Variants in DCDC2 observed in about 807,000 individuals in gnomAD.
The protein encoded by DCDC2 is doublecortin domain containing 2.
Under a neutral mutation model 50.2 loss-of-function variants are expected in DCDC2, and 40 were observed. That is an observed-to-expected ratio of 0.80 (90% CI 0.62 to 1.04). The LOEUF is 1.04. Ranked by LOEUF, DCDC2 falls within the 50% of genes least tolerant of loss-of-function variation. DCDC2 has a pLI of 0.00. For synonymous variants in DCDC2, 234 were observed against 210.6 expected (o/e 1.11, Z -0.96); for missense variants, 570 against 581.9 (o/e 0.98, Z 0.21).
chr6:24,277,686 A>G (rs1358131504), intron 7 of DCDC2, among the ~76,000 whole-genome samples: 1 of 152,192 alleles, frequency 6.6e-6, no homozygotes, highest in Non-Finnish European at 1.5e-5. Context: ...TGACTAATAA[A>G]TCATAATGAA....
At chr6:24,191,680 A>G (rs980912133) in intron 8 of DCDC2, among the ~76,000 whole-genome samples, 3 of 152,196 alleles carry the variant, frequency 2.0e-5, no homozygotes, top group Non-Finnish European at 2.9e-5. Flanking sequence ...CTGATGGATC[A>G]TTATGAAAGT....
In DCDC2 at chr6:24,174,805, C is replaced by A; in HGVS notation, c.1356G>T (p.Arg452Ser). Reference sequence around the variant, plus strand: ...CTGGACTGGTAATTTTTACTTCTGGCCTTGGTGGTCTTTGAGGGTCTACAT... The same window carrying A: ...CTGGACTGGTAATTTTTACTTCTGGACTTGGTGGTCTTTGAGGGTCTACAT... Reference protein sequence around the residue: ...EADVDPQRPPRPEVKITSPEE... With the variant: ...EADVDPQRPPSPEVKITSPEE... The change falls in exon 10 of 10, where the codon AGG becomes AGT. Residue 452 changes from arginine (R) to serine (S), a missense_variant. By Grantham distance (110) the Arg-to-Ser change is moderately radical (BLOSUM62 -1). Transcript: ENST00000378454. 6.2e-7 allele frequency: 1 copy of A among 1,613,210 alleles called. No individual in the cohort carries two copies. Among genetic ancestry groups the A allele is most frequent in the Non-Finnish European group, 8.5e-7 (1 of 1,179,554 alleles).
chr6:24,277,069 G>A (rs765073671), intron 7 of DCDC2, among the ~76,000 whole-genome samples: 1 of 152,144 alleles, frequency 6.6e-6, no homozygotes, highest in South Asian at 2.1e-4. Flanking sequence ...CATTTGTGCA[G>A]CTTCCTCTAA....
intron 7 of DCDC2, among the ~76,000 whole-genome samples, chr6:24,207,256 TTCTCTCTCTC>T (rs60603298): frequency 8.5e-5 from 11 of 129,690 alleles, no homozygotes; most frequent in Middle Eastern, 3.9e-3. Flanking sequence ...CCATCTATCT[TTCTCTCTCTC>T]TCTCTCTCTC....
chr6:24,193,783 G>C (rs1761362415), intron 8 of DCDC2, among the ~76,000 whole-genome samples: 1 of 151,868 alleles, frequency 6.6e-6, no homozygotes, highest in Admixed American at 6.6e-5. Context: ...TTTGATAGGG[G>C]GAACGAGTTT....
rs190871212 is a variant in DCDC2, at chr6:24,195,233, C to T, written c.1023+9769G>A. Among the ~76,000 whole-genome samples the T allele has an allele frequency of 2.8e-4, 42 of 152,254 alleles. 1 individual carries two copies. In the South Asian group the frequency reaches 6.8e-3, roughly 25 times the overall value. On this transcript the variant is annotated intron_variant, in intron 8 of 9. Coordinates refer to ENST00000378454, the MANE Select transcript of DCDC2 (RefSeq NM_016356.5). ...CAGTGACAAAGGACTTTATTGCTCA[C>T]GCAATAGCAGTAGCCAAAATAGCAT... is the stretch of plus-strand genomic sequence containing the variant.
At chr6:24,231,726 T>G (rs1042706717) in intron 7 of DCDC2, among the ~76,000 whole-genome samples, 3 of 151,976 alleles carry the variant, frequency 2.0e-5, no homozygotes, top group Non-Finnish European at 4.4e-5. Flanking sequence ...CTGTAATTAT[T>G]TATGTGATGA....
chr6:24,218,803 T>A (rs1400367781), intron 7 of DCDC2, among the ~76,000 whole-genome samples: 1 of 152,074 alleles, frequency 6.6e-6, no homozygotes, highest in Admixed American at 6.6e-5. Flanking sequence ...TAAAAATAAA[T>A]AAAAATAAAC....
rs1162329295 is a variant in DCDC2, at chr6:24,326,153, AAAGAGAGGAAGGAAAGG to A, written c.349-24126_349-24110del. Among the ~76,000 whole-genome samples, 73 of 134,960 alleles carry A rather than the reference AAAGAGAGGAAGGAAAGG, an allele frequency of 5.4e-4. 3 individuals are homozygous for A. The highest frequency in any genetic ancestry group is 7.4e-3 in the Middle Eastern group (2 of 270). The allele number at this position is 134,960 out of a possible 152,430, so 88.5% of individuals were successfully genotyped here. On this transcript the variant is annotated intron_variant, in intron 2 of 9. Coordinates refer to ENST00000378454, the MANE Select transcript of DCDC2 (RefSeq NM_016356.5). ...ATAAAAAGAAGGAAAGAGAGGAAGGAAAGAGAGGAAGGAAAGGAAGGAAGGAAGGAAGGAAGGAAGAA... is the reference window on the plus strand; with the variant it reads ...ATAAAAAGAAGGAAAGAGAGGAAGGAAAGGAAGGAAGGAAGGAAGGAAGAA...
chr6:24,214,914 ACTTC>A (rs1425975306), intron 7 of DCDC2, among the ~76,000 whole-genome samples: 3 of 152,194 alleles, frequency 2.0e-5, no homozygotes, highest in Admixed American at 6.5e-5. Context: ...TGTGTTCACT[ACTTC>A]CTTATTATGC....
At chr6:24,275,221 A>G (rs1003867589) in intron 7 of DCDC2, among the ~76,000 whole-genome samples, 3 of 152,208 alleles carry the variant, frequency 2.0e-5, no homozygotes, top group African/African-American at 4.8e-5. Flanking sequence ...ATAAATGAAT[A>G]TGAAGGCTGA....
intron 7 of DCDC2, among the ~76,000 whole-genome samples, chr6:24,219,059 T>C (rs1415028363): frequency 6.6e-6 from 1 of 152,194 alleles, no homozygotes; most frequent in Admixed American, 6.5e-5. Context: ...CTTATTGAAC[T>C]ATAATTTTTA....
intron 8 of DCDC2, among the ~76,000 whole-genome samples, chr6:24,180,110 G>C (rs1027628359): frequency 3.3e-5 from 5 of 151,964 alleles, no homozygotes; most frequent in African/African-American, 1.2e-4. Flanking sequence ...TGTAAAATGG[G>C]AACGTAACAA....
At position 24,302,294 on chromosome 6, in the gene DCDC2, G is replaced by GA. The variant is rs34907724; in HGVS notation, c.349-251dup. ...CTAGGCACACTGCTCATGATCTGTG[G>GA]AAAAAAAAAAAAAACAGAAATCATT... On this transcript the variant is annotated intron_variant, in intron 2 of 9. Transcript: ENST00000378454. 0.58 allele frequency among the ~76,000 whole-genome samples: 80,891 copies of GA among 138,490 alleles called. 26,494 individuals carry two copies. The highest frequency in any genetic ancestry group is 0.86 in the East Asian group (4,114 of 4,796). 90.9% of individuals were successfully genotyped at this position (138,490 alleles called of 152,430 possible). A position where few individuals can be genotyped will look rare whatever the true frequency, so the allele number is the denominator to read the frequency against.
chr6:24,262,502 CACAA>C lies in DCDC2; in HGVS notation c.922+15543_922+15546del, dbSNP rs566520038. On this transcript the variant is annotated intron_variant, in intron 7 of 9. Transcript: ENST00000378454. ...TTGGAGCCAGTGGACTTGGGGTGCA[CACAA>C]ATTAGTGAGACACCAGCCAGGGTGG... Among the ~76,000 whole-genome samples the C allele has an allele frequency of 2.7e-3, 410 of 152,292 alleles. 1 individual carries two copies. The highest frequency in any genetic ancestry group is 6.5e-3 in the Admixed American group (100 of 15,302).
chr6:24,379,480 A>C, the DCDC2 span, among the ~76,000 whole-genome samples: 1 of 152,334 alleles, frequency 6.6e-6, no homozygotes, highest in Non-Finnish European at 1.5e-5. Flanking sequence ...GCAAATCAAA[A>C]CCACAGTGAG....
the DCDC2 span, among the ~76,000 whole-genome samples, chr6:24,378,035 C>T: frequency 6.6e-6 from 1 of 152,182 alleles, no homozygotes; most frequent in South Asian, 2.1e-4. Flanking sequence ...ACATTGTATG[C>T]ACCAAAAAGT....
At chr6:24,354,243 A>C (rs908745019) in intron 1 of DCDC2, among the ~76,000 whole-genome samples, 31 of 152,262 alleles carry the variant, frequency 2.0e-4, no homozygotes, top group African/African-American at 6.3e-4. Flanking sequence ...ACAACCTGAA[A>C]ACTGTATACC....
At chr6:24,371,480 T>C in the DCDC2 span, among the ~76,000 whole-genome samples, 6 of 151,936 alleles carry the variant, frequency 3.9e-5, no homozygotes, top group South Asian at 1.0e-3. Flanking sequence ...TGGTGGCACA[T>C]GCCTGTAGCC....
Sources: allele counts gnomAD v4.1 joint callset (sites outside exome capture counted in the v4.1 genomes callset), GRCh38; gene constraint gnomAD v4.1.1; transcripts MANE v1.5; gene names NCBI Gene and HGNC (gene_info 2026-07-23, HGNC 2026-07-21).